DLG5: variants seen among roughly 807,000 people sequenced by gnomAD.
DLG5 encodes disks large homolog 5.
DLG5 carries 48 observed loss-of-function variants against 189.8 expected under a neutral mutation model. The observed-to-expected ratio is 0.25, with a 90% CI of 0.20 to 0.32. The LOEUF (loss-of-function observed/expected upper bound fraction) is 0.32. Among genes scored for constraint, DLG5 ranks in the 10% least tolerant of loss-of-function variants. DLG5 has a pLI of 1.00. For missense variants in DLG5, 2,160 were observed against 2,544.7 expected, an observed-to-expected ratio of 0.85 and a Z score of 3.25; for synonymous variants, 1,016 against 1,054.1, an observed-to-expected ratio of 0.96 and a Z score of 0.70.
chr10:77,833,246 G>A (rs1392450292), intron 9 of DLG5, among the ~76,000 whole-genome samples: 1 of 152,202 alleles, frequency 6.6e-6, no homozygotes, highest in East Asian at 1.9e-4. Context: ...GGAGGCTGCT[G>A]TAATCGAGGG....
intron 1 of DLG5, among the ~76,000 whole-genome samples, chr10:77,910,987 GAAA>G (rs55832630): frequency 8.3e-5 from 7 of 84,266 alleles, no homozygotes; most frequent in Non-Finnish European, 9.5e-5. Flanking sequence ...CTGTCTGAAG[GAAA>G]AAAAAAAAAA....
In DLG5 at chr10:77,806,845, G is replaced by T. The variant is rs1841502896; in HGVS notation, c.4880C>A (p.Pro1627His). ...DDILYVDDTL[P>H]QGTFGSWMAW... ...CATCCAGGACCCGAACGTGCCCTGG[G>T]GTAAGGTGTCATCCACGTAGAGGAT... Residue 1627 changes from proline (P) to histidine (H), a missense_variant, in exon 26 of 32, where the codon CCC becomes CAC. Transcript: ENST00000372391. 6.2e-7 allele frequency: 1 copy of T among 1,613,990 alleles called. No individual in the cohort carries two copies. The highest frequency in any genetic ancestry group is 1.7e-5 in the Admixed American group (1 of 59,994).
At chr10:77,834,956 C>T (rs1375660181) in intron 8 of DLG5, among the ~76,000 whole-genome samples, 1 of 152,066 alleles carries the variant, frequency 6.6e-6, no homozygotes, top group African/African-American at 2.4e-5. Context: ...TTTTGGACAC[C>T]TCCCAAATAG....
At chr10:77,820,362 A>C (rs918319929) in intron 15 of DLG5, 19 of 193,562 alleles carry the variant, frequency 9.8e-5, no homozygotes, top group Non-Finnish European at 1.9e-4. Context: ...AAAAAAAAAA[A>C]AAAACCAAAC....
At chr10:77,864,267 C>T (rs540535893) in intron 2 of DLG5, among the ~76,000 whole-genome samples, 3 of 152,314 alleles carry the variant, frequency 2.0e-5, no homozygotes, top group African/African-American at 7.2e-5. Flanking sequence ...CCTTTGCTTC[C>T]AGGCCCTGTA....
chr10:77,885,333 A>T (rs1238040144), intron 1 of DLG5, among the ~76,000 whole-genome samples: 1 of 152,210 alleles, frequency 6.6e-6, no homozygotes, highest in East Asian at 1.9e-4. Flanking sequence ...ATGCCTTCAA[A>T]TTGCCCCAAG....
intron 23 of DLG5, among the ~76,000 whole-genome samples, chr10:77,810,363 G>A (rs912760360): frequency 6.6e-6 from 1 of 152,216 alleles, no homozygotes; most frequent in Non-Finnish European, 1.5e-5. Context: ...CTGGTATAGA[G>A]AATGCAGAGC....
intron 17 of DLG5, among the ~76,000 whole-genome samples, chr10:77,818,866 C>T (rs1842193476): frequency 2.0e-5 from 3 of 152,004 alleles, no homozygotes; most frequent in Admixed American, 1.3e-4. Flanking sequence ...AGCAATGTAT[C>T]CTCTTATAAT....
intron 2 of DLG5, among the ~76,000 whole-genome samples, chr10:77,866,286 T>C (rs1844680409): frequency 6.6e-6 from 1 of 152,202 alleles, no homozygotes. Context: ...CCAGCCCATC[T>C]CAAACTGGAG....
intron 26 of DLG5, 40 bp downstream of exon 26, chr10:77,806,718 A>ACGCCCCCCC: frequency 3.4e-5 from 45 of 1,333,640 alleles, no homozygotes; most frequent in Non-Finnish European, 4.2e-5. Flanking sequence ...GCCCTCGGCG[A>ACGCCCCCCC]CCCCTGCCCC....
rs1198133922 is a variant in DLG5, at chr10:77,812,037, C to T, written c.4209G>A (p.Arg1403=). ...QLLEFNGINL[R]SATEQQARLI... ...GCCGCGCCTGCTGCTCCGTGGCGCTCCGCAGGTTTATGCCGTTGAACTGGG... is the reference window on the plus strand; with the variant it reads ...GCCGCGCCTGCTGCTCCGTGGCGCTTCGCAGGTTTATGCCGTTGAACTGGG... The change falls in exon 22 of 32, where the codon CGG becomes CGA. Residue 1403 remains arginine (R), a synonymous_variant. Coordinates refer to ENST00000372391, the MANE Select transcript of DLG5 (RefSeq NM_004747.4). 1 of 1,610,600 alleles carries T rather than the reference C, an allele frequency of 6.2e-7. No individual in the cohort carries two copies. Among genetic ancestry groups the T allele is most frequent in the Non-Finnish European group, 8.5e-7 (1 of 1,180,004 alleles).
intron 27 of DLG5, among the ~76,000 whole-genome samples, chr10:77,802,954 G>A (rs2812413): frequency 0.26 from 40,071 of 152,084 alleles, 5,786 homozygotes; most frequent in Admixed American, 0.4. Flanking sequence ...TTAGAAAAGA[G>A]ATAAATGGAG....
At chr10:77,827,174 C>T (rs918003135) in intron 13 of DLG5, among the ~76,000 whole-genome samples, 7 of 152,152 alleles carry the variant, frequency 4.6e-5, no homozygotes, top group African/African-American at 1.7e-4. Flanking sequence ...GCCTTTTGTA[C>T]TACTGGAATT....
intron 1 of DLG5, among the ~76,000 whole-genome samples, chr10:77,906,580 G>A (rs1266346813): frequency 6.0e-5 from 9 of 150,706 alleles, no homozygotes; most frequent in Admixed American, 4.6e-4. Context: ...CAAGGAGGTC[G>A]ACTGTTCAGG....
At chr10:77,856,983 A>G in intron 2 of DLG5, 91 bp from the exon 3 acceptor site, 11 of 1,286,834 alleles carry the variant, frequency 8.5e-6, no homozygotes, top group Non-Finnish European at 1.1e-5. Context: ...TGTGTTAGCT[A>G]TTCGTGACCC....
chr10:77,850,763 G>T (rs993306709), intron 5 of DLG5, among the ~76,000 whole-genome samples: 1 of 152,190 alleles, frequency 6.6e-6, no homozygotes, highest in Non-Finnish European at 1.5e-5. Context: ...ATACACACGG[G>T]CACGCGGCGC....
At position 77,805,737 on chromosome 10, in the gene DLG5, T is replaced by C; in HGVS notation, c.5092A>G (p.Ser1698Gly). 6.2e-7 allele frequency: 1 copy of C among 1,614,164 alleles called. No individual in the cohort carries two copies. Among genetic ancestry groups the C allele is most frequent in the South Asian group, 1.1e-5 (1 of 91,072 alleles). ...AGGTCTTTCCCGTCCTTGGACCCGCTGCGTTTGTGCTTGTGTTTCCTCCGA... is the reference window on the plus strand; with the variant it reads ...AGGTCTTTCCCGTCCTTGGACCCGCCGCGTTTGTGCTTGTGTTTCCTCCGA... ...FFRRKHKHKR[S>G]GSKDGKDLLA... The change falls in exon 27 of 32, where the codon AGC (serine) becomes GGC (glycine). Residue 1698 changes from serine to glycine, a missense_variant. Physicochemically the swap from Ser to Gly is moderately conservative, Grantham distance 56. Coordinates refer to ENST00000372391, the MANE Select transcript of DLG5 (RefSeq NM_004747.4).
intron 27 of DLG5, among the ~76,000 whole-genome samples, chr10:77,799,087 CTTT>C (rs1207385675): frequency 6.6e-6 from 1 of 152,194 alleles, no homozygotes; most frequent in Non-Finnish European, 1.5e-5. Context: ...TGACAATCTT[CTTT>C]GTCAGATGTC....
chr10:77,815,122 C>G (rs899701075), intron 20 of DLG5, among the ~76,000 whole-genome samples: 1 of 152,112 alleles, frequency 6.6e-6, no homozygotes, highest in Non-Finnish European at 1.5e-5. Flanking sequence ...AAGGCCTTTT[C>G]CACAACTGAA....
Sources: gnomAD v4.1 joint callset for allele counts (sites outside exome capture counted in the v4.1 genomes callset) on GRCh38, gnomAD v4.1.1 for gene constraint, MANE v1.5 for transcripts, NCBI Gene and HGNC (gene_info 2026-07-23, HGNC 2026-07-21) for gene names.